The following CHN2 variants were observed in gnomAD, a reference collection of about 807,000 sequenced individuals.
CHN2 encodes the protein beta-chimaerin.
A neutral mutation model predicts 56.3 loss-of-function variants in CHN2; 35 were observed. The ratio of observed to expected loss-of-function variants is 0.62; its 90% CI spans 0.47 to 0.82. CHN2 has a LOEUF of 0.82. Among genes scored for constraint, CHN2 ranks in the 40% least tolerant of loss-of-function variants. The probability of loss-of-function intolerance (pLI) is 0.00; values close to 1 mark genes in which losing one functional copy is unlikely to be tolerated. For missense variants in CHN2, 491 were observed against 580.5 expected (o/e 0.85, Z 1.58); for synonymous variants, 210 against 212.8 (o/e 0.99, Z 0.12).
chr7:29,426,201 T>A (rs1804847967), intron 6 of CHN2, among the ~76,000 whole-genome samples: 2 of 88,676 alleles, frequency 2.3e-5, no homozygotes, highest in Non-Finnish European at 4.1e-5. Flanking sequence ...AGCGAGACTC[T>A]GTCTCAAAAA....
chr7:29,293,514 G>A (rs955317691), intron 1 of CHN2, among the ~76,000 whole-genome samples: 1 of 152,096 alleles, frequency 6.6e-6, no homozygotes, highest in Non-Finnish European at 1.5e-5. Context: ...TCAGACTTCT[G>A]GTCACTGTTA....
upstream of CHN2, chr7:29,192,742 G>A (rs1296420965): frequency 6.6e-6 from 1 of 152,186 alleles, no homozygotes; most frequent in Non-Finnish European, 1.5e-5. Flanking sequence ...CTGAGGCTCA[G>A]TAGGTCTAAG....
chr7:29,182,822 T>C (rs1798224952), intron 2 of CHN2, among the ~76,000 whole-genome samples: 1 of 152,140 alleles, frequency 6.6e-6, no homozygotes, highest in African/African-American at 2.4e-5. Context: ...TAGATGAGAG[T>C]AGAGACAGCA....
intron 1 of CHN2, among the ~76,000 whole-genome samples, chr7:29,282,562 T>C (rs1011995200): frequency 6.6e-6 from 1 of 152,238 alleles, no homozygotes; most frequent in Non-Finnish European, 1.5e-5. Flanking sequence ...ATGTTTTAAC[T>C]GTACTGGTGG....
chr7:29,323,742 A>C (rs1167147186), intron 1 of CHN2, among the ~76,000 whole-genome samples: 1 of 152,034 alleles, frequency 6.6e-6, no homozygotes, highest in Non-Finnish European at 1.5e-5. Context: ...TCACACCTGT[A>C]ATTCCAGCAC....
chr7:29,263,261 T>C (rs1289500839), intron 1 of CHN2, among the ~76,000 whole-genome samples: 3 of 152,364 alleles, frequency 2.0e-5, no homozygotes, highest in South Asian at 2.1e-4. Context: ...AGCTCCTGAC[T>C]GCGAGTGGTC....
At position 29,321,359 on chromosome 7, in the gene CHN2, G is replaced by A. The variant is rs182269323; in HGVS notation, c.50-33266G>A. On this transcript the variant is annotated intron_variant, in intron 1 of 12. Transcript: ENST00000222792. Reference sequence around the variant, plus strand: ...CATGCCAGGGACCGGGCACTAATAGGTAAGCTGATCTATTCCTCACAGCCA... The same window carrying A: ...CATGCCAGGGACCGGGCACTAATAGATAAGCTGATCTATTCCTCACAGCCA... Among the ~76,000 whole-genome samples the A allele has an allele frequency of 4.9e-3, 748 of 152,124 alleles. 3 individuals are homozygous for A. Among genetic ancestry groups the A allele is most frequent in the African/African-American group, 0.017 (712 of 41,518 alleles).
intron 6 of CHN2, among the ~76,000 whole-genome samples, chr7:29,430,560 CTG>C (rs1389334837): frequency 6.6e-6 from 1 of 152,248 alleles, no homozygotes; most frequent in East Asian, 1.9e-4. Flanking sequence ...TTTTTTGAGT[CTG>C]CTCTAAACAA....
intron 1 of CHN2, among the ~76,000 whole-genome samples, chr7:29,291,918 T>C (rs1021521435): frequency 1.3e-5 from 2 of 151,996 alleles, no homozygotes; most frequent in Admixed American, 6.5e-5. Flanking sequence ...CTTTTGCCCT[T>C]TACTCTCGGA....
intron 6 of CHN2, among the ~76,000 whole-genome samples, chr7:29,444,909 T>C (rs926131011): frequency 1.4e-4 from 21 of 152,308 alleles, no homozygotes; most frequent in Middle Eastern, 3.4e-3. Context: ...TTCGATGGTT[T>C]GGATACCTTT....
At chr7:29,331,725 C>T (rs977045813) in intron 1 of CHN2, among the ~76,000 whole-genome samples, 2 of 152,054 alleles carry the variant, frequency 1.3e-5, no homozygotes, top group African/African-American at 2.4e-5. Flanking sequence ...GGAAGGAGTG[C>T]AGAGGGTGGT....
At chr7:29,365,321 C>G (rs918992900) in intron 2 of CHN2, among the ~76,000 whole-genome samples, 10 of 152,130 alleles carry the variant, frequency 6.6e-5, no homozygotes, top group Admixed American at 5.9e-4. Flanking sequence ...CCTGGAGATA[C>G]AAGACAAAGC....
At chr7:29,398,211 G>A in intron 4 of CHN2, 162 bp from the exon 5 acceptor site, 1 of 538,860 alleles carries the variant, frequency 1.9e-6, no homozygotes, top group Non-Finnish European at 3.3e-6. Flanking sequence ...CATGTGAGGG[G>A]TGGTTCCAAG....
At chr7:29,246,254 A>G (rs754120913) in intron 1 of CHN2, among the ~76,000 whole-genome samples, 5 of 152,094 alleles carry the variant, frequency 3.3e-5, no homozygotes, top group Non-Finnish European at 7.4e-5. Flanking sequence ...GCAGAACCGG[A>G]GAGGTTCCCA....
intron 1 of CHN2, among the ~76,000 whole-genome samples, chr7:29,264,656 C>CTTTTAA (rs1789965943): frequency 6.6e-6 from 1 of 151,962 alleles, no homozygotes; most frequent in East Asian, 1.9e-4. Context: ...TCTCAACTAC[C>CTTTTAA]CAGGGACACA....
At chr7:29,483,947 G>C in intron 7 of CHN2, 1 of 1,177,200 alleles carries the variant, frequency 8.5e-7, no homozygotes, top group Non-Finnish European at 1.1e-6. Flanking sequence ...GAATACATGC[G>C]AGTCACTTAT....
chr7:29,146,969 G>T, intron 2 of CHN2: 3 of 1,550,818 alleles, frequency 1.9e-6, no homozygotes, highest in African/African-American at 2.7e-5. Flanking sequence ...CAGTAAGCTC[G>T]CACCAAGTGC....
At chr7:29,282,507 G>A (rs1479880461) in intron 1 of CHN2, among the ~76,000 whole-genome samples, 1 of 152,146 alleles carries the variant, frequency 6.6e-6, no homozygotes, top group East Asian at 1.9e-4. Context: ...CTATAGAAGC[G>A]TTCCTGAAAA....
At chr7:29,407,083 A>T (rs116169104) in intron 6 of CHN2, among the ~76,000 whole-genome samples, 2 of 152,310 alleles carry the variant, frequency 1.3e-5, no homozygotes, top group Admixed American at 1.3e-4. Context: ...AGATCTGGCC[A>T]CCAACTCCTT....
Sources: allele counts gnomAD v4.1 joint callset (sites outside exome capture counted in the v4.1 genomes callset), GRCh38; gene constraint gnomAD v4.1.1; transcripts MANE v1.5; gene names NCBI Gene and HGNC (gene_info 2026-07-23, HGNC 2026-07-21).